Variants in RAP1A observed in about 807,000 individuals in gnomAD.
RAP1A encodes the protein RAP1A, member of RAS oncogene family, also known as ras-related protein Rap-1A.
In RAP1A, 6 loss-of-function variants were observed where a neutral mutation model predicts 26.4. The observed-to-expected ratio is 0.23, with a 90% CI of 0.12 to 0.45. The LOEUF is 0.45. Ranked by LOEUF, RAP1A falls within the 20% of genes least tolerant of loss-of-function variation. RAP1A has a pLI of 0.99. For missense variants in RAP1A, 121 were observed against 217.2 expected, an observed-to-expected ratio of 0.56 and a Z score of 2.78; for synonymous variants, 73 against 79.4, an observed-to-expected ratio of 0.92 and a Z score of 0.43.
chr1:111,708,962 A>G (rs1212841191), intron 6 of RAP1A, among the ~76,000 whole-genome samples, 187 bp from the exon 7 acceptor site: 3 of 152,194 alleles, frequency 2.0e-5, no homozygotes, highest in African/African-American at 7.2e-5. Flanking sequence ...CATTTCCTTC[A>G]TTATAAATAG....
chr1:111,708,824 A>G (rs1168954758), intron 6 of RAP1A, among the ~76,000 whole-genome samples: 1 of 150,636 alleles, frequency 6.6e-6, no homozygotes, highest in Admixed American at 6.6e-5. Flanking sequence ...CTAATTGGTG[A>G]ATCTGGGAAG....
chr1:111,703,190 G>A, intron 4 of RAP1A, 146 bp from the exon 5 acceptor site: 1 of 481,040 alleles, frequency 2.1e-6, no homozygotes, highest in South Asian at 6.2e-5. Context: ...CACCTCAGTT[G>A]CTAGAAACTT....
intron 1 of RAP1A, among the ~76,000 whole-genome samples, chr1:111,666,498 G>T (rs962054708): frequency 6.6e-6 from 1 of 152,120 alleles, no homozygotes; most frequent in African/African-American, 2.4e-5. Context: ...GGTAGTCATT[G>T]AATGTAAGAA....
intron 1 of RAP1A, among the ~76,000 whole-genome samples, chr1:111,603,916 C>G (rs969675924): frequency 1.3e-4 from 20 of 152,322 alleles, no homozygotes; most frequent in Admixed American, 5.2e-4. Flanking sequence ...TCATTTCAGA[C>G]TCATTTTAGA....
intron 1 of RAP1A, among the ~76,000 whole-genome samples, chr1:111,574,886 C>G (rs1300886352): frequency 6.6e-6 from 1 of 152,178 alleles, no homozygotes; most frequent in African/African-American, 2.4e-5. Flanking sequence ...ATTATGTGAT[C>G]TGTGGCTACA....
intron 1 of RAP1A, among the ~76,000 whole-genome samples, chr1:111,606,866 G>A (rs761544745): frequency 3.9e-5 from 6 of 152,118 alleles, no homozygotes; most frequent in Non-Finnish European, 8.8e-5. Flanking sequence ...AAGCATACTC[G>A]AATGTAGTTT....
chr1:111,606,781 T>C (rs1216298044), intron 1 of RAP1A, among the ~76,000 whole-genome samples: 2 of 152,234 alleles, frequency 1.3e-5, no homozygotes, highest in African/African-American at 4.8e-5. Context: ...GATAGTTTTA[T>C]TGTAACAGCT....
chr1:111,604,430 C>G (rs941639409), intron 1 of RAP1A: 3 of 152,198 alleles, frequency 2.0e-5, no homozygotes, highest in Admixed American at 2.0e-4. Context: ...AGGGGACTCC[C>G]CATTACATTC....
At chr1:111,543,691 G>A (rs1656931772) in intron 1 of RAP1A, among the ~76,000 whole-genome samples, 2 of 151,722 alleles carry the variant, frequency 1.3e-5, no homozygotes, top group Admixed American at 6.6e-5. Context: ...GAGGAGGAGG[G>A]GGAGAGGGAG....
At chr1:111,590,367 C>T (rs1658447846) in intron 1 of RAP1A, among the ~76,000 whole-genome samples, 1 of 152,128 alleles carries the variant, frequency 6.6e-6, no homozygotes, top group African/African-American at 2.4e-5. Flanking sequence ...ATGCTTCTAA[C>T]AAATATTTAA....
intron 1 of RAP1A, among the ~76,000 whole-genome samples, chr1:111,605,787 A>C (rs1198120621): frequency 2.0e-5 from 3 of 152,348 alleles, no homozygotes; most frequent in East Asian, 1.9e-4. Context: ...TGGCTTGCTC[A>C]GATGCAATTT....
chr1:111,656,758 C>T (rs1458992983), intron 1 of RAP1A, among the ~76,000 whole-genome samples: 1 of 151,954 alleles, frequency 6.6e-6, no homozygotes, highest in Non-Finnish European at 1.5e-5. Context: ...CTTTCCTGAC[C>T]TGCTTTGATG....
At chr1:111,682,191 G>A (rs1201570683) in intron 1 of RAP1A, among the ~76,000 whole-genome samples, 2 of 152,152 alleles carry the variant, frequency 1.3e-5, no homozygotes, top group Non-Finnish European at 2.9e-5. Context: ...GGCCCTGAAG[G>A]AAGCACTAAA....
intron 1 of RAP1A, among the ~76,000 whole-genome samples, chr1:111,600,704 T>C (rs1658655473): frequency 6.6e-6 from 1 of 152,218 alleles, no homozygotes; most frequent in African/African-American, 2.4e-5. Flanking sequence ...TGAGAACCAC[T>C]GGTGCCATTT....
intron 1 of RAP1A, among the ~76,000 whole-genome samples, chr1:111,646,510 G>A (rs1321465481): frequency 6.6e-6 from 1 of 150,744 alleles, no homozygotes; most frequent in Non-Finnish European, 1.5e-5. Context: ...ATGAATGAAT[G>A]AATGCATCCA....
chr1:111,634,559 T>C (rs1287333198), intron 1 of RAP1A, among the ~76,000 whole-genome samples: 3 of 150,332 alleles, frequency 2.0e-5, no homozygotes, highest in Admixed American at 2.0e-4. Context: ...ATATGTCATA[T>C]ATTTTATTTC....
At chr1:111,551,169 T>A (rs527422812) in intron 1 of RAP1A, among the ~76,000 whole-genome samples, 2 of 152,328 alleles carry the variant, frequency 1.3e-5, no homozygotes, top group African/African-American at 4.8e-5. Context: ...TATAGTTGGA[T>A]CATGTTTTTT....
intron 4 of RAP1A, among the ~76,000 whole-genome samples, chr1:111,699,979 C>A (rs963697151): frequency 2.0e-5 from 3 of 152,108 alleles, no homozygotes; most frequent in African/African-American, 7.2e-5. Flanking sequence ...AATGTAAAAC[C>A]TTTATTCATT....
Position 111,637,468 on chromosome 1 carries a change from A to G in RAP1A, c.-28+17534A>G, listed in dbSNP as rs1163159570. The stretch of plus-strand genomic sequence containing the variant: ...TCTGTGTTTTATGCACTAAAAGAAT[A>G]AGAATTATTTTTTTGCCCCTCAAGA... On this transcript the variant is annotated intron_variant, in intron 1 of 7. Transcript: ENST00000369709. 3.9e-5 allele frequency among the ~76,000 whole-genome samples: 6 copies of G among 152,158 alleles called. No homozygotes were observed. The South Asian group carries it at 6.2e-4, about 16-fold the overall frequency.
Sources: gnomAD v4.1 joint callset for allele counts (sites outside exome capture counted in the v4.1 genomes callset) on GRCh38, gnomAD v4.1.1 for gene constraint, MANE v1.5 for transcripts, NCBI Gene and HGNC (gene_info 2026-07-23, HGNC 2026-07-21) for gene names.